Variants in TCEA1 observed in about 807,000 individuals in gnomAD.
TCEA1 encodes the protein transcription elongation factor A1.
TCEA1 carries 21 observed loss-of-function variants against 43.8 expected under a neutral mutation model. The observed-to-expected ratio is 0.48, with a 90% CI of 0.34 to 0.69. TCEA1 has a LOEUF of 0.69. TCEA1 is among the 30% of genes least tolerant of loss of function. The pLI is 0.01. For missense variants in TCEA1, 250 were observed against 365.1 expected (o/e 0.68, Z 2.57); for synonymous variants, 104 against 117.5 (o/e 0.88, Z 0.75).
chr8:54,016,295 T>C (rs1804823693), intron 1 of TCEA1, among the ~76,000 whole-genome samples: 1 of 151,798 alleles, frequency 6.6e-6, no homozygotes, highest in African/African-American at 2.4e-5. Context: ...GCTAATACAG[T>C]GAAACCCAGT....
chr8:54,004,201 T>C (rs1586026366), intron 2 of TCEA1, among the ~76,000 whole-genome samples: 1 of 152,158 alleles, frequency 6.6e-6, no homozygotes, highest in Non-Finnish European at 1.5e-5. Context: ...TAAAATGGTA[T>C]GGTGGCTGGA....
At chr8:54,001,696 T>C (rs1804269103) in intron 2 of TCEA1, among the ~76,000 whole-genome samples, 1 of 152,202 alleles carries the variant, frequency 6.6e-6, no homozygotes, top group African/African-American at 2.4e-5. Context: ...TGATGAATTG[T>C]GTACTGCTGG....
chr8:54,006,493 A>T (rs774903617), intron 2 of TCEA1, among the ~76,000 whole-genome samples: 1 of 152,092 alleles, frequency 6.6e-6, no homozygotes, highest in African/African-American at 2.4e-5. Context: ...GAAAAAAAAA[A>T]CCTCGAATGT....
intron 7 of TCEA1, among the ~76,000 whole-genome samples, chr8:53,984,117 A>G (rs1345065127): frequency 1.3e-5 from 2 of 152,246 alleles, no homozygotes; most frequent in Non-Finnish European, 2.9e-5. Flanking sequence ...AAAAAAAGTA[A>G]AACACGTTTG....
At chr8:54,014,685 T>C (rs1368786707) in intron 1 of TCEA1, among the ~76,000 whole-genome samples, 1 of 152,214 alleles carries the variant, frequency 6.6e-6, no homozygotes, top group East Asian at 1.9e-4. Flanking sequence ...ATGTGCTCAG[T>C]ATACTCAAGA....
intron 1 of TCEA1, among the ~76,000 whole-genome samples, chr8:54,012,288 G>C (rs551102188): frequency 1.3e-5 from 2 of 152,330 alleles, no homozygotes; most frequent in South Asian, 4.1e-4. Context: ...AAGGCCGGGC[G>C]CAGTGGCTCA....
intron 4 of TCEA1, among the ~76,000 whole-genome samples, chr8:53,993,173 G>A (rs914137573): frequency 1.5e-4 from 19 of 126,902 alleles, no homozygotes; most frequent in African/African-American, 5.7e-4. Context: ...GGGTTTCACC[G>A]TGTTAGCCAG....
chr8:53,983,229 GTAGAT>G (rs141675705), intron 7 of TCEA1, among the ~76,000 whole-genome samples: 6 of 152,298 alleles, frequency 3.9e-5, no homozygotes, highest in African/African-American at 1.2e-4. Flanking sequence ...TGTACATTTA[GTAGAT>G]TATAGTATAA....
chr8:54,014,447 T>C (rs951798278), intron 1 of TCEA1, among the ~76,000 whole-genome samples: 1 of 151,980 alleles, frequency 6.6e-6, no homozygotes, highest in African/African-American at 2.4e-5. Context: ...CCACCTCTAT[T>C]TAAAAAAAAA....
chr8:54,008,934 C>G (rs190159327), intron 2 of TCEA1, among the ~76,000 whole-genome samples: 80 of 150,920 alleles, frequency 5.3e-4, no homozygotes, highest in Non-Finnish European at 1.0e-3. Context: ...ACTGCAACCT[C>G]CACTTCCTGG....
chr8:54,010,611 A>G (rs1251138262), intron 1 of TCEA1, 119 bp from the exon 2 acceptor site: 1 of 706,198 alleles, frequency 1.4e-6, no homozygotes, highest in Admixed American at 3.3e-5. Flanking sequence ...TCAGATAAGG[A>G]GCAACAGCAC....
intron 8 of TCEA1, chr8:53,973,002 T>C (rs1466826048): frequency 7.4e-6 from 5 of 671,310 alleles, no homozygotes; most frequent in Non-Finnish European, 1.4e-5. Context: ...GGGATGAGAC[T>C]GAACATGAAA....
In TCEA1 at chr8:53,993,698, G is replaced by A. The variant is rs770047485; in HGVS notation, c.290C>T (p.Ser97Leu). Reference protein sequence around the residue: ...DEKKKEPAITSQNSPEAREES... With the variant: ...DEKKKEPAITLQNSPEAREES... ...TTCTCTTGCCTCAGGGCTGTTCTGC[G>A]ATGTAATTGCAGGTTCTTTCTTCTT... is the stretch of plus-strand genomic sequence containing the variant. Residue 97 changes from serine to leucine, a missense_variant, in exon 4 of 10, where the codon TCG (serine) becomes TTG (leucine). Transcript: ENST00000521604. 31 of 1,613,622 alleles carry A rather than the reference G, an allele frequency of 1.9e-5. No homozygotes were observed. Among genetic ancestry groups the A allele is most frequent in the South Asian group, 1.3e-4 (12 of 91,042 alleles).
At chr8:54,013,363 G>C (rs1344900070) in intron 1 of TCEA1, among the ~76,000 whole-genome samples, 1 of 152,046 alleles carries the variant, frequency 6.6e-6, no homozygotes, top group African/African-American at 2.4e-5. Flanking sequence ...TCACTGAAGG[G>C]TCTTTAAGAA....
At chr8:54,018,498 A>G (rs758290515) in intron 1 of TCEA1, among the ~76,000 whole-genome samples, 11 of 152,214 alleles carry the variant, frequency 7.2e-5, no homozygotes, top group Non-Finnish European at 1.6e-4. Flanking sequence ...CCATGACGAG[A>G]AACATTTTAG....
At chr8:53,995,450 C>T (rs930181606) in intron 3 of TCEA1, among the ~76,000 whole-genome samples, 1 of 152,036 alleles carries the variant, frequency 6.6e-6, no homozygotes, top group East Asian at 1.9e-4. Flanking sequence ...CAGAGTGATA[C>T]CTGTCTCAAA....
intron 1 of TCEA1, among the ~76,000 whole-genome samples, chr8:54,013,680 C>CAAA (rs5891511): frequency 1.9e-3 from 122 of 65,252 alleles, no homozygotes; most frequent in East Asian, 0.011. Context: ...AACTCCATCT[C>CAAA]AAAAAAAAAA....
chr8:53,990,360 C>CTTTT (rs869104595), intron 4 of TCEA1, among the ~76,000 whole-genome samples: 2 of 136,896 alleles, frequency 1.5e-5, no homozygotes, highest in Admixed American at 7.4e-5. Flanking sequence ...CATTTCTTTT[C>CTTTT]TTTTTTTTTT....
intron 3 of TCEA1, 72 bp from the exon 4 acceptor site, chr8:53,993,827 CT>C: frequency 1.7e-6 from 2 of 1,199,416 alleles, no homozygotes; most frequent in Non-Finnish European, 2.4e-6. Flanking sequence ...CGTTAACAGG[CT>C]ATTTGCACAA....
Sources: allele counts gnomAD v4.1 joint callset (sites outside exome capture counted in the v4.1 genomes callset), GRCh38; gene constraint gnomAD v4.1.1; transcripts MANE v1.5; gene names NCBI Gene and HGNC (gene_info 2026-07-23, HGNC 2026-07-21).